KIF13A: variants seen among roughly 807,000 people sequenced by gnomAD.
The protein encoded by KIF13A is kinesin family member 13A.
In KIF13A, 79 loss-of-function variants were observed where a neutral mutation model predicts 212.2. That is an observed-to-expected ratio of 0.37 (90% confidence interval 0.31 to 0.45). The LOEUF is 0.45. Ranked by LOEUF, KIF13A falls within the 20% of genes least tolerant of loss-of-function variation. The probability of loss-of-function intolerance (pLI) is 1.00; values close to 1 mark genes in which losing one functional copy is unlikely to be tolerated. For missense variants in KIF13A, 1,901 were observed against 2,209.0 expected, an observed-to-expected ratio of 0.86 and a Z score of 2.79; for synonymous variants, 789 against 808.6, an observed-to-expected ratio of 0.98 and a Z score of 0.41.
intron 2 of KIF13A, among the ~76,000 whole-genome samples, chr6:17,932,945 G>A (rs1201152641): frequency 6.6e-6 from 1 of 152,060 alleles, no homozygotes; most frequent in African/African-American, 2.4e-5. Context: ...CGGTAAAGCA[G>A]AGGAAAAAGT....
At chr6:17,851,808 T>C in intron 7 of KIF13A, 147 bp downstream of exon 7, 1 of 422,868 alleles carries the variant, frequency 2.4e-6, no homozygotes, top group South Asian at 8.9e-5. Flanking sequence ...CCTTTTCCTC[T>C]CTGTTTGCGG....
At position 17,942,120 on chromosome 6, in the gene KIF13A, G is replaced by T. The variant is rs1479094741; in HGVS notation, c.147-43940C>A. 2.0e-5 allele frequency among the ~76,000 whole-genome samples: 3 copies of T among 151,772 alleles called. No homozygotes were observed. In the East Asian group the frequency reaches 5.8e-4, roughly 29 times the overall value. ...GTTCAAGACCAGCCTGGACAACATG[G>T]CAAAACCTCATCTCTATAAAAAAAC... On this transcript the variant is annotated intron_variant, in intron 2 of 38. Coordinates refer to ENST00000259711, the MANE Select transcript of KIF13A (RefSeq NM_022113.6).
At chr6:17,866,795 T>G (rs1769409834) in intron 4 of KIF13A, among the ~76,000 whole-genome samples, 1 of 137,258 alleles carries the variant, frequency 7.3e-6, no homozygotes, top group African/African-American at 2.8e-5. Flanking sequence ...GGATAAAAAA[T>G]AGGTGAGTAA....
chr6:17,861,707 T>C (rs1020570221), intron 4 of KIF13A, among the ~76,000 whole-genome samples: 34 of 152,250 alleles, frequency 2.2e-4, no homozygotes, highest in Admixed American at 7.2e-4. Context: ...TTTAGTAAGT[T>C]GACTATTTAA....
At position 17,783,008 on chromosome 6, in the gene KIF13A, A is replaced by C. The variant is rs1368097497; in HGVS notation, c.3544+638T>G. ...CAAAGCCACCCTCCCTGTGTCTTCC[A>C]TCCATTATTTTGGGCTTCCTTCTAG... On this transcript the variant is annotated intron_variant, in intron 29 of 38. Coordinates refer to ENST00000259711, the MANE Select transcript of KIF13A (RefSeq NM_022113.6). The surrounding 1 kb of genome is among the most constrained non-coding windows in gnomAD (Gnocchi z 4.3). Among the ~76,000 whole-genome samples the C allele has an allele frequency of 3.3e-5, 5 of 152,282 alleles. No individual in the cohort carries two copies. The East Asian group carries it at 9.7e-4, about 29-fold the overall frequency.
chr6:17,888,309 G>A lies in KIF13A; in HGVS notation c.159+9859C>T, dbSNP rs762253240. 5.3e-5 allele frequency among the ~76,000 whole-genome samples: 8 copies of A among 152,076 alleles called. No individual in the cohort carries two copies. The highest frequency in any genetic ancestry group is 1.0e-4 in the Non-Finnish European group (7 of 68,024). On this transcript the variant is annotated intron_variant, in intron 3 of 38. Transcript: ENST00000259711. The surrounding 1 kb of genome is among the most constrained non-coding windows in gnomAD (Gnocchi z 4.8). ...AGTGAGAAGGTTATGCTGTCATTGA[G>A]TTCATGCAGCTGCAACACTCCTGGA...
chr6:17,861,545 C>T (rs1768787496), intron 4 of KIF13A, among the ~76,000 whole-genome samples: 2 of 152,156 alleles, frequency 1.3e-5, no homozygotes, highest in South Asian at 4.1e-4. Flanking sequence ...ATCAAATCTC[C>T]AAGTTCTCTA....
chr6:17,960,035 AC>A (rs1420203223), intron 2 of KIF13A, among the ~76,000 whole-genome samples: 12 of 151,602 alleles, frequency 7.9e-5, no homozygotes, highest in African/African-American at 1.2e-4. Context: ...AAAAAAAAAA[AC>A]AACAACAAAA....
In KIF13A at chr6:17,914,487, T is replaced by C. The variant is rs1774332670; in HGVS notation, c.147-16307A>G. Among the ~76,000 whole-genome samples, 1 of 152,208 alleles carries C rather than the reference T, an allele frequency of 6.6e-6. No individual in the cohort carries two copies. Among genetic ancestry groups the C allele is most frequent in the South Asian group, 2.1e-4 (1 of 4,828 alleles). The stretch of plus-strand genomic sequence containing the variant: ...ATGTTTACATGGTCTATATGGGCAT[T>C]TGCAAAATTAAAATCATACACATGC... On this transcript the variant is annotated intron_variant, in intron 2 of 38. Coordinates refer to ENST00000259711, the MANE Select transcript of KIF13A (RefSeq NM_022113.6). This position sits in a 1 kb window ranked among gnomAD's most constrained non-coding sequence, Gnocchi z 5.9.
intron 3 of KIF13A, among the ~76,000 whole-genome samples, chr6:17,894,869 C>T (rs1042735658): frequency 4.6e-5 from 7 of 152,154 alleles, no homozygotes; most frequent in Non-Finnish European, 1.0e-4. Context: ...AATAATAGTA[C>T]TCAGAGAGTA....
intron 17 of KIF13A, among the ~76,000 whole-genome samples, chr6:17,813,665 G>A (rs1474647672): frequency 3.3e-5 from 5 of 152,076 alleles, no homozygotes; most frequent in Non-Finnish European, 7.4e-5. Flanking sequence ...TTCTCCTCTT[G>A]GGAGTCACCT....
intron 9 of KIF13A, among the ~76,000 whole-genome samples, chr6:17,841,659 G>A (rs1381565115): frequency 6.6e-6 from 1 of 152,062 alleles, no homozygotes; most frequent in African/African-American, 2.4e-5. Flanking sequence ...ATTAGTAGAA[G>A]CCGCCCCTTT....
In KIF13A at chr6:17,857,678, T is replaced by C. The variant is rs146175428; in HGVS notation, c.221-1556A>G. Among the ~76,000 whole-genome samples the C allele has an allele frequency of 2.2e-3, 331 of 152,198 alleles. 1 individual carries two copies. Among genetic ancestry groups the C allele is most frequent in the African/African-American group, 7.6e-3 (314 of 41,492 alleles). On this transcript the variant is annotated intron_variant, in intron 4 of 38. Transcript: ENST00000259711. ...ATCAAATATTGCTGCATTGAGGAAA[T>C]AGGTATTTTCATAAGCTGCATATGG...
chr6:17,808,801 C>A lies in KIF13A; in HGVS notation c.2130G>T (p.Gln710His). The A allele has an allele frequency of 6.2e-7, 1 of 1,613,858 alleles. No homozygotes were observed. The highest frequency in any genetic ancestry group is 8.5e-7 in the Non-Finnish European group (1 of 1,179,840). ...SKLTDYQVTL[Q>H]IPAANLSANR... ...TGGCACTGAGGTTTGCAGCAGGGAT[C>A]TGAAGAGTCACTTGGTAATCGGTGA... is the stretch of plus-strand genomic sequence containing the variant. The change falls in exon 18 of 39, where the codon CAG (glutamine) becomes CAT (histidine). Residue 710 changes from glutamine to histidine, a missense_variant. Around this residue, in one of 5 missense-constraint regions of KIF13A, gnomAD observed 534 missense variants for 536.9 expected, o/e 0.99. Transcript: ENST00000259711.
chr6:17,764,479 C>G lies in KIF13A; in HGVS notation c.5049G>C (p.Gln1683His). The change falls in exon 39 of 39, where the codon CAG (glutamine) becomes CAC (histidine). Residue 1683 changes from glutamine (Q) to histidine (H), a missense_variant. Around this residue, in one of 5 missense-constraint regions of KIF13A, gnomAD observed 687 missense variants for 759.1 expected, o/e 0.90. Transcript: ENST00000259711. This position sits in a 1 kb window ranked among gnomAD's most constrained non-coding sequence, Gnocchi z 5.1. ...ATTTGGAGTTTTTCTCAGGGATGCT[C>G]TGGGATGATGGGCTCCCTTTGGCTA... is the stretch of plus-strand genomic sequence containing the variant. ...SALAKGSPSSQSIPEKNSKSL... is the reference protein window; with the variant it reads ...SALAKGSPSSHSIPEKNSKSL... The G allele has an allele frequency of 6.2e-7, 1 of 1,614,004 alleles. No homozygotes were observed.
chr6:17,863,374 T>C (rs1769026701), intron 4 of KIF13A, among the ~76,000 whole-genome samples: 1 of 145,638 alleles, frequency 6.9e-6, no homozygotes, highest in Non-Finnish European at 1.5e-5. Flanking sequence ...AATACTTTCT[T>C]TTTTTTTTTT....
At chr6:17,860,724 T>C (rs1201733906) in intron 4 of KIF13A, among the ~76,000 whole-genome samples, 2 of 147,350 alleles carry the variant, frequency 1.4e-5, no homozygotes, top group Non-Finnish European at 3.0e-5. Context: ...AGACTCTGTC[T>C]CAAAAAAAAA....
At chr6:17,960,245 A>G (rs2150585521) in intron 2 of KIF13A, among the ~76,000 whole-genome samples, 1 of 152,368 alleles carries the variant, frequency 6.6e-6, no homozygotes, top group East Asian at 1.9e-4. Context: ...TAGTAACTAA[A>G]AAAAAGTAAA....
chr6:17,957,390 T>C (rs940471773), intron 2 of KIF13A, among the ~76,000 whole-genome samples: 22 of 152,334 alleles, frequency 1.4e-4, no homozygotes, highest in African/African-American at 5.3e-4. Context: ...ATAGGGACCC[T>C]TGCAGACCTC....
Sources: allele counts gnomAD v4.1 joint callset (sites outside exome capture counted in the v4.1 genomes callset), GRCh38; gene constraint gnomAD v4.1.1; regional missense constraint gnomAD v4.1.1; non-coding constraint Gnocchi (gnomAD v3.1); transcripts MANE v1.5; gene names NCBI Gene and HGNC (gene_info 2026-07-23, HGNC 2026-07-21).